SMPD4: variants seen among roughly 807,000 people sequenced by gnomAD.
The protein encoded by SMPD4 is neutral sphingomyelinase 3.
A neutral mutation model predicts 97.8 loss-of-function variants in SMPD4; 58 were observed. The observed-to-expected ratio is 0.59, with a 90% CI of 0.48 to 0.74. SMPD4 has a LOEUF of 0.74. SMPD4 is among the 30% of genes least tolerant of loss of function. The pLI is 0.00. For synonymous variants in SMPD4, 388 were observed against 450.0 expected (o/e 0.86, Z 1.74); for missense variants, 853 against 1,080.5 (o/e 0.79, Z 2.95).
chr2:130,169,159 G>A (rs191638005), intron 8 of SMPD4, among the ~76,000 whole-genome samples: 2 of 152,354 alleles, frequency 1.3e-5, no homozygotes, highest in African/African-American at 4.8e-5. Flanking sequence ...CAAAGCCCAT[G>A]CTGGGCCTAG....
At chr2:130,178,973 T>A (rs1689231453) in intron 1 of SMPD4, among the ~76,000 whole-genome samples, 2 of 152,124 alleles carry the variant, frequency 1.3e-5, no homozygotes. Flanking sequence ...CTCTGCCCAC[T>A]GCACAAGTAA....
At chr2:130,179,141 T>G (rs902026973) in intron 1 of SMPD4, among the ~76,000 whole-genome samples, 10 of 148,556 alleles carry the variant, frequency 6.7e-5, no homozygotes, top group African/African-American at 2.0e-4. Flanking sequence ...TTTTTTTTTT[T>G]GAGACAGAGT....
rs1248883202 is a variant in SMPD4, at chr2:130,161,223, G to A, written c.914C>T (p.Pro305Leu). 6.2e-7 allele frequency: 1 copy of A among 1,613,928 alleles called. No homozygotes were observed. Among genetic ancestry groups the A allele is most frequent in the Non-Finnish European group, 8.5e-7 (1 of 1,179,992 alleles). Residue 305 changes from proline to leucine, a missense_variant, in exon 11 of 20, where the codon CCC (proline) becomes CTC (leucine). This residue lies in a region of SMPD4 where 313 missense variants were observed against 402.2 expected (regional missense o/e 0.78). Coordinates refer to ENST00000680298, the MANE Select transcript of SMPD4 (RefSeq NM_017951.5). ...GAGGGCCTGGAGGCTGGGTTGGGCG[G>A]GGCTGTAGAGGGCGCTGGAGACACT... ...RLSVSSALYS[P>L]AQPSLQALHA...
chr2:130,172,298 C>T, intron 8 of SMPD4, 51 bp downstream of exon 8: 4 of 1,496,220 alleles, frequency 2.7e-6, no homozygotes, highest in Non-Finnish European at 3.6e-6. Flanking sequence ...ATGCAAGTGA[C>T]CAGGCCACTC....
At chr2:130,162,505 A>G (rs1375545218) in intron 10 of SMPD4, among the ~76,000 whole-genome samples, 4 of 152,262 alleles carry the variant, frequency 2.6e-5, no homozygotes, top group Middle Eastern at 3.4e-3. Flanking sequence ...AATCAGACAC[A>G]TAGTTCCCCA....
At chr2:130,164,320 A>G in intron 10 of SMPD4, 54 bp downstream of exon 10, 1 of 1,469,394 alleles carries the variant, frequency 6.8e-7, no homozygotes, top group Non-Finnish European at 9.5e-7. Context: ...GATAAGAAGC[A>G]GCAGGCTGAG....
intron 11 of SMPD4, chr2:130,158,226 G>A: frequency 7.8e-7 from 1 of 1,288,888 alleles, no homozygotes; most frequent in Non-Finnish European, 1.0e-6. Flanking sequence ...ACTCGGCCCA[G>A]TAGAAGCCCC....
At chr2:130,173,936 G>A (rs558106501) in intron 3 of SMPD4, among the ~76,000 whole-genome samples, 2 of 151,230 alleles carry the variant, frequency 1.3e-5, no homozygotes, top group African/African-American at 2.4e-5. Flanking sequence ...TTTTTTGTGT[G>A]TGATAGAAGA....
At chr2:130,164,787 G>C (rs1406829463) in intron 9 of SMPD4, among the ~76,000 whole-genome samples, 1 of 152,112 alleles carries the variant, frequency 6.6e-6, no homozygotes, top group Non-Finnish European at 1.5e-5. Context: ...ACACTCTTGA[G>C]CATGAAAAAA....
chr2:130,181,719 A>G (rs1425729946), upstream of SMPD4: 2 of 1,548,798 alleles, frequency 1.3e-6, no homozygotes, highest in African/African-American at 1.4e-5. Context: ...GGGAAGAGAA[A>G]TGGCGAGGCA....
At chr2:130,156,344 T>G (rs1288633240) in intron 13 of SMPD4, 1 of 654,238 alleles carries the variant, frequency 1.5e-6, no homozygotes, top group Non-Finnish European at 2.7e-6. Context: ...GGGGGCAGAG[T>G]ACTCCCTGGT....
intron 1 of SMPD4, chr2:130,181,310 G>A: frequency 7.0e-7 from 1 of 1,425,058 alleles, no homozygotes; most frequent in Non-Finnish European, 9.1e-7. Flanking sequence ...CCGGGACAGA[G>A]TGTACGAGCC....
chr2:130,165,282 G>C (rs147121011), intron 9 of SMPD4, among the ~76,000 whole-genome samples: 1 of 152,020 alleles, frequency 6.6e-6, no homozygotes, highest in Non-Finnish European at 1.5e-5. Context: ...TTAGCCGGGC[G>C]TGGTGGCGCA....
rs558079026 is a variant in SMPD4, at chr2:130,179,357, G to A, written c.-46+2173C>T. Among the ~76,000 whole-genome samples the A allele has an allele frequency of 5.8e-3, 886 of 152,112 alleles. 31 individuals are homozygous for A. The highest frequency in any genetic ancestry group is 1.3e-3 in the Non-Finnish European group (89 of 67,994). On this transcript the variant is annotated intron_variant, in intron 1 of 19. Transcript: ENST00000680298. ...AGGATGGTCTCGATCTCCTGACCTC[G>A]TGATCCGCCTGCCTCGGCCTCCCAA...
At chr2:130,173,417 T>C (rs1417995723) in intron 4 of SMPD4, 63 bp from the exon 5 acceptor site, 2 of 1,600,464 alleles carry the variant, frequency 1.2e-6, no homozygotes, top group Non-Finnish European at 1.7e-6. Context: ...TATCTTGCTT[T>C]GATTGTTTCT....
chr2:130,156,970 G>A (rs1410860678), intron 12 of SMPD4, among the ~76,000 whole-genome samples: 2 of 152,184 alleles, frequency 1.3e-5, no homozygotes, highest in African/African-American at 2.4e-5. Flanking sequence ...GGCAGTCAGG[G>A]CCACCCCAAC....
intron 2 of SMPD4, among the ~76,000 whole-genome samples, chr2:130,175,283 A>G (rs1205814989): frequency 5.9e-5 from 9 of 152,194 alleles, no homozygotes; most frequent in Non-Finnish European, 1.3e-4. Context: ...CCACCAATCC[A>G]TAAGTAGGGG....
chr2:130,167,302 G>T (rs564252552), intron 9 of SMPD4, among the ~76,000 whole-genome samples, 156 bp downstream of exon 9: 1 of 152,144 alleles, frequency 6.6e-6, no homozygotes, highest in South Asian at 2.1e-4. Flanking sequence ...TGTGTTTTTA[G>T]TAGAGACGTG....
chr2:130,179,297 A>C (rs1689269095), intron 1 of SMPD4, among the ~76,000 whole-genome samples: 1 of 147,918 alleles, frequency 6.8e-6, no homozygotes, highest in Non-Finnish European at 1.5e-5. Context: ...ATTTTTTTGT[A>C]TTTTTAGTAG....
Sources: allele counts gnomAD v4.1 joint callset (sites outside exome capture counted in the v4.1 genomes callset), GRCh38; gene constraint gnomAD v4.1.1; regional missense constraint gnomAD v4.1.1; transcripts MANE v1.5; gene names NCBI Gene and HGNC (gene_info 2026-07-23, HGNC 2026-07-21).